Variants in ASIC2 observed in about 807,000 individuals in gnomAD.
ASIC2 encodes the protein acid sensing ion channel subunit 2, also known as acid-sensing ion channel 2.
A neutral mutation model predicts 57.3 loss-of-function variants in ASIC2; 25 were observed. The ratio of observed to expected loss-of-function variants is 0.44; its 90% CI spans 0.32 to 0.61. ASIC2 has a LOEUF of 0.61. ASIC2 is among the 20% of genes least tolerant of loss of function. ASIC2 has a pLI of 0.06. For synonymous variants in ASIC2, 319 were observed against 307.5 expected, an observed-to-expected ratio of 1.04 and a Z score of -0.39; for missense variants, 641 against 738.1, an observed-to-expected ratio of 0.87 and a Z score of 1.52.
At chr17:33,705,526 T>A (rs1011795304) in intron 1 of ASIC2, among the ~76,000 whole-genome samples, 2 of 152,180 alleles carry the variant, frequency 1.3e-5, no homozygotes, top group African/African-American at 4.8e-5. Flanking sequence ...CATATCATTA[T>A]AAGAGGAAGG....
chr17:33,172,961 G>T lies in ASIC2; in HGVS notation c.709-60894C>A, dbSNP rs1486234517. ...GAGCTAGAATCCTGGCTGCTCCTGT[G>T]CCTGGCTGTGGGCCCATGATCCCAT... is the stretch of plus-strand genomic sequence containing the variant. On this transcript the variant is annotated intron_variant, in intron 1 of 9. Transcript: ENST00000225823. Among the ~76,000 whole-genome samples the T allele has an allele frequency of 4.1e-5, 6 of 147,960 alleles. No individual in the cohort carries two copies. The South Asian group carries it at 1.1e-3, about 26-fold the overall frequency.
intron 1 of ASIC2, among the ~76,000 whole-genome samples, chr17:33,462,773 G>A (rs1193802073): frequency 1.3e-5 from 2 of 152,226 alleles, no homozygotes; most frequent in African/African-American, 4.8e-5. Flanking sequence ...ATGAAACATT[G>A]AATTCTGGTG....
intron 1 of ASIC2, among the ~76,000 whole-genome samples, chr17:33,834,803 A>T (rs569653937): frequency 6.6e-6 from 1 of 152,170 alleles, no homozygotes; most frequent in African/African-American, 2.4e-5. Context: ...CTAAACTATG[A>T]TCTTCCCAGA....
At chr17:33,724,904 A>G (rs117365986) in intron 1 of ASIC2, among the ~76,000 whole-genome samples, 1 of 152,290 alleles carries the variant, frequency 6.6e-6, no homozygotes, top group East Asian at 1.9e-4. Context: ...TAAAAAAGGG[A>G]AAAACAAATC....
At chr17:33,704,969 G>A (rs1264402926) in intron 1 of ASIC2, among the ~76,000 whole-genome samples, 1 of 152,184 alleles carries the variant, frequency 6.6e-6, no homozygotes, top group African/African-American at 2.4e-5. Context: ...CAGCCCCTGA[G>A]CTCTTGGCTT....
chr17:33,272,417 C>T (rs1259381241), intron 1 of ASIC2, among the ~76,000 whole-genome samples: 1 of 152,210 alleles, frequency 6.6e-6, no homozygotes, highest in Non-Finnish European at 1.5e-5. Context: ...TTAACTCTTA[C>T]TGAATAAATG....
chr17:33,727,366 A>G (rs1266055144), intron 1 of ASIC2, among the ~76,000 whole-genome samples: 4 of 152,356 alleles, frequency 2.6e-5, no homozygotes, highest in East Asian at 3.9e-4. Flanking sequence ...AACAGCTATC[A>G]GCAGAAAGAA....
At chr17:33,177,867 G>A (rs1425506514) in intron 1 of ASIC2, among the ~76,000 whole-genome samples, 1 of 152,130 alleles carries the variant, frequency 6.6e-6, no homozygotes. Flanking sequence ...TCTCAAAGGG[G>A]GCTGGTCTAG....
chr17:34,090,414 G>A (rs1176925847), intron 1 of ASIC2, among the ~76,000 whole-genome samples: 1 of 151,970 alleles, frequency 6.6e-6, no homozygotes, highest in African/African-American at 2.4e-5. Flanking sequence ...AGGGTTTAAT[G>A]GGAAGTGCAC....
intron 1 of ASIC2, among the ~76,000 whole-genome samples, chr17:34,126,582 G>A (rs988608818): frequency 1.3e-5 from 2 of 152,180 alleles, no homozygotes; most frequent in Non-Finnish European, 2.9e-5. Flanking sequence ...TCCCTAGGGA[G>A]TTGGCTGATC....
chr17:33,938,398 T>C (rs752728), intron 1 of ASIC2, among the ~76,000 whole-genome samples: 48,092 of 152,058 alleles, frequency 0.32, 7,742 homozygotes, highest in Admixed American at 0.37. Context: ...TGACAGTCCA[T>C]TTAGCTGGTG....
At chr17:33,925,489 G>T (rs1037410420) in intron 1 of ASIC2, among the ~76,000 whole-genome samples, 1 of 152,210 alleles carries the variant, frequency 6.6e-6, no homozygotes, top group African/African-American at 2.4e-5. Flanking sequence ...TCTCAGGGGA[G>T]TGTGGTGCAA....
At chr17:34,107,945 C>A (rs1911120512) in intron 1 of ASIC2, among the ~76,000 whole-genome samples, 1 of 152,088 alleles carries the variant, frequency 6.6e-6, no homozygotes, top group African/African-American at 2.4e-5. Context: ...TCCATCCCAC[C>A]TCGCCTCACA....
chr17:34,145,314 G>A (rs1231006782), intron 1 of ASIC2, among the ~76,000 whole-genome samples: 1 of 152,206 alleles, frequency 6.6e-6, no homozygotes, highest in African/African-American at 2.4e-5. Flanking sequence ...CAGTCTGGAT[G>A]TGCTGGATTG....
At chr17:33,128,546 A>T (rs1267650087) in intron 1 of ASIC2, among the ~76,000 whole-genome samples, 1 of 152,216 alleles carries the variant, frequency 6.6e-6, no homozygotes, top group Non-Finnish European at 1.5e-5. Context: ...TGGCAGGAGA[A>T]GTTGAATTTC....
chr17:33,206,986 T>C (rs1464329708), intron 1 of ASIC2, among the ~76,000 whole-genome samples: 1 of 152,222 alleles, frequency 6.6e-6, no homozygotes, highest in African/African-American at 2.4e-5. Flanking sequence ...CCCTGCCCTT[T>C]TTCTGAGGCT....
intron 1 of ASIC2, among the ~76,000 whole-genome samples, chr17:34,036,265 C>T (rs879632479): frequency 2.0e-5 from 3 of 150,544 alleles, no homozygotes; most frequent in African/African-American, 4.9e-5. Flanking sequence ...AGCAAGCTAT[C>T]GCAAGGACAA....
intron 1 of ASIC2, among the ~76,000 whole-genome samples, chr17:33,791,402 T>C (rs911382055): frequency 3.9e-5 from 6 of 152,198 alleles, no homozygotes; most frequent in Non-Finnish European, 7.3e-5. Context: ...CCACATGGTA[T>C]AGATTCCTTT....
At chr17:33,068,348 A>G (rs2141947007) in intron 3 of ASIC2, among the ~76,000 whole-genome samples, 1 of 152,338 alleles carries the variant, frequency 6.6e-6, no homozygotes, top group South Asian at 2.1e-4. Flanking sequence ...ATCCTGACCA[A>G]CATGGAGAAA....
Sources: allele counts gnomAD v4.1 joint callset (sites outside exome capture counted in the v4.1 genomes callset), GRCh38; gene constraint gnomAD v4.1.1; transcripts MANE v1.5; gene names NCBI Gene and HGNC (gene_info 2026-07-23, HGNC 2026-07-21).